The following MROH9 variants were observed in gnomAD, a reference collection of about 807,000 sequenced individuals.
The protein encoded by MROH9 is maestro heat like repeat family member 9.
MROH9 carries 92 observed loss-of-function variants against 98.2 expected under a neutral mutation model. The observed-to-expected ratio is 0.94, with a 90% CI of 0.79 to 1.11. The LOEUF (loss-of-function observed/expected upper bound fraction) is 1.11. Ranked by LOEUF, MROH9 falls within the 50% of genes most tolerant of loss-of-function variation. MROH9 has a pLI of 0.00. For synonymous variants in MROH9, 397 were observed against 368.9 expected, an observed-to-expected ratio of 1.08 and a Z score of -0.87; for missense variants, 1,057 against 1,014.8, an observed-to-expected ratio of 1.04 and a Z score of -0.57.
intron 12 of MROH9, among the ~76,000 whole-genome samples, chr1:170,994,280 T>C (rs1571486015): frequency 6.6e-6 from 1 of 152,208 alleles, no homozygotes; most frequent in East Asian, 1.9e-4. Flanking sequence ...TTATATAAGC[T>C]ATTTCTTTGT....
At chr1:170,998,090 T>C in intron 14 of MROH9, 64 bp from the exon 15 acceptor site, 1 of 1,214,778 alleles carries the variant, frequency 8.2e-7, no homozygotes, top group Non-Finnish European at 1.2e-6. Flanking sequence ...AATGATTCTC[T>C]CTTTGCCACT....
intron 14 of MROH9, 41 bp downstream of exon 14, chr1:170,996,685 C>T: frequency 6.3e-7 from 1 of 1,589,990 alleles, no homozygotes; most frequent in Middle Eastern, 1.7e-4. Flanking sequence ...TGGTCTCTAT[C>T]CTACCTTCTC....
At chr1:171,019,544 CG>C (rs1370692505) in intron 17 of MROH9, among the ~76,000 whole-genome samples, 1 of 151,732 alleles carries the variant, frequency 6.6e-6, no homozygotes. Context: ...CCCAGCTACT[CG>C]GAAGGCTGAG....
intron 3 of MROH9, among the ~76,000 whole-genome samples, chr1:170,956,289 G>C (rs1375891291): frequency 6.6e-6 from 1 of 151,906 alleles, no homozygotes; most frequent in African/African-American, 2.4e-5. Context: ...GCCTTGCTTT[G>C]GCTATGTGGG....
chr1:171,007,944 T>C (rs1571498389), intron 15 of MROH9, among the ~76,000 whole-genome samples: 1 of 152,210 alleles, frequency 6.6e-6, no homozygotes, highest in East Asian at 1.9e-4. Context: ...ACTCTCAAAA[T>C]AGCTCTCCTT....
chr1:171,026,894 C>A (rs1424212324), intron 20 of MROH9, among the ~76,000 whole-genome samples: 1 of 151,570 alleles, frequency 6.6e-6, no homozygotes, highest in African/African-American at 2.4e-5. Context: ...ATAATGGGAG[C>A]ATATGAAAAA....
intron 15 of MROH9, among the ~76,000 whole-genome samples, chr1:171,013,880 C>T (rs1283666308): frequency 2.6e-5 from 2 of 77,218 alleles, no homozygotes; most frequent in African/African-American, 1.0e-4. Context: ...TACATACACA[C>T]ACACACACAC....
intron 20 of MROH9, among the ~76,000 whole-genome samples, chr1:171,028,378 T>C (rs1652796589): frequency 6.6e-6 from 1 of 152,176 alleles, no homozygotes; most frequent in African/African-American, 2.4e-5. Flanking sequence ...TCTGTTCCAT[T>C]TGTCTATGTA....
rs1206198594 is a variant in MROH9 at position 170,965,220 on chromosome 1, G to T, written c.445G>T (p.Val149Leu). ...QERIMVIINK[V>L]LRFTVTKVRK... is the part of the protein sequence containing the mutation. Reference sequence around the variant, plus strand: ...GAGAATAATGGTGATCATCAACAAGGTGTTAAGATTTACAGTCACAAAAGT... The same window carrying T: ...GAGAATAATGGTGATCATCAACAAGTTGTTAAGATTTACAGTCACAAAAGT... The change falls in exon 7 of 22, where the codon GTG (valine) becomes TTG (leucine). Residue 149 changes from valine to leucine, a missense_variant. Coordinates refer to ENST00000367759, the MANE Select transcript of MROH9 (RefSeq NM_001163629.2). The T allele has an allele frequency of 5.6e-6, 9 of 1,611,816 alleles. No homozygotes were observed. Among genetic ancestry groups the T allele is most frequent in the Non-Finnish European group, 7.6e-6 (9 of 1,178,310 alleles).
At chr1:170,989,726 TTATCTG>T in intron 10 of MROH9, 123 bp from the exon 11 acceptor site, 1 of 728,520 alleles carries the variant, frequency 1.4e-6, no homozygotes, top group East Asian at 2.5e-5. Context: ...CTACTAGTGC[TTATCTG>T]TATGTTAGTT....
At chr1:170,987,008 A>G (rs1315051341) in intron 10 of MROH9, among the ~76,000 whole-genome samples, 3 of 151,298 alleles carry the variant, frequency 2.0e-5, no homozygotes, top group Non-Finnish European at 4.4e-5. Flanking sequence ...GTACCACCAC[A>G]CCCGGCTAAT....
Position 171,029,709 on chromosome 1 carries a change from G to A in MROH9, c.2281+4289G>A, listed in dbSNP as rs1652843713. Among the ~76,000 whole-genome samples the A allele has an allele frequency of 5.3e-5, 8 of 152,250 alleles. No homozygotes were observed. In the South Asian group the frequency reaches 1.7e-3, roughly 32 times the overall value. On this transcript the variant is annotated intron_variant, in intron 20 of 21. Coordinates refer to ENST00000367759, the MANE Select transcript of MROH9 (RefSeq NM_001163629.2). The stretch of plus-strand genomic sequence containing the variant: ...AGATTCGATTTGTCAGTATTTTATT[G>A]AGGATTTTTGCATCGATGTTCATCA...
At chr1:170,999,724 A>T (rs978134920) in intron 15 of MROH9, among the ~76,000 whole-genome samples, 1 of 152,090 alleles carries the variant, frequency 6.6e-6, no homozygotes, top group Non-Finnish European at 1.5e-5. Flanking sequence ...AATAAATGGT[A>T]GTTCTACTTT....
chr1:171,040,820 A>C (rs1027524964), intron 20 of MROH9, among the ~76,000 whole-genome samples: 1 of 152,032 alleles, frequency 6.6e-6, no homozygotes, highest in Non-Finnish European at 1.5e-5. Flanking sequence ...AAATCATTTT[A>C]TTGTTTAGCT....
chr1:170,983,561 G>A (rs781476670), intron 9 of MROH9, 27 bp downstream of exon 9: 18 of 1,375,034 alleles, frequency 1.3e-5, no homozygotes, highest in Non-Finnish European at 1.9e-5. Context: ...TTTTTCCGAG[G>A]GCTTTTGTTT....
intron 9 of MROH9, 71 bp from the exon 10 acceptor site, chr1:170,986,490 A>G (rs1176578094): frequency 1.9e-5 from 28 of 1,512,528 alleles, no homozygotes; most frequent in Non-Finnish European, 2.3e-5. Flanking sequence ...ATCCCCCACC[A>G]TGTCTGAGTT....
intron 17 of MROH9, among the ~76,000 whole-genome samples, chr1:171,019,277 G>A (rs72710575): frequency 0.091 from 13,911 of 152,232 alleles, 738 homozygotes; most frequent in Middle Eastern, 0.16. Context: ...TAAGAACAAA[G>A]AGACTATGTA....
intron 20 of MROH9, among the ~76,000 whole-genome samples, chr1:171,038,702 C>A (rs1653190171): frequency 1.3e-5 from 2 of 152,132 alleles, no homozygotes; most frequent in Non-Finnish European, 2.9e-5. Context: ...CCAACTGGGT[C>A]AGCCCAATTT....
At chr1:171,018,816 C>T (rs555440587) in intron 17 of MROH9, among the ~76,000 whole-genome samples, 285 of 152,222 alleles carry the variant, frequency 1.9e-3, no homozygotes, top group Non-Finnish European at 3.3e-3. Flanking sequence ...AGTTTGAAGA[C>T]TATCTTGCTG....
Sources: allele counts gnomAD v4.1 joint callset (sites outside exome capture counted in the v4.1 genomes callset), GRCh38; gene constraint gnomAD v4.1.1; transcripts MANE v1.5; gene names NCBI Gene and HGNC (gene_info 2026-07-23, HGNC 2026-07-21).